Variants in ODAD2 observed in about 807,000 individuals in gnomAD.
ODAD2 encodes the protein outer dynein arm-docking complex subunit 2.
ODAD2 carries 89 observed loss-of-function variants against 106.8 expected under a neutral mutation model. The observed-to-expected ratio is 0.83, with a 90% CI of 0.70 to 0.99. ODAD2 has a LOEUF of 0.99. Ranked by LOEUF, ODAD2 falls within the 50% of genes least tolerant of loss-of-function variation. The pLI is 0.00. For synonymous variants in ODAD2, 404 were observed against 436.2 expected (o/e 0.93, Z 0.92); for missense variants, 1,168 against 1,238.5 (o/e 0.94, Z 0.85).
At chr10:27,938,442 A>G (rs1846149460) in intron 14 of ODAD2, among the ~76,000 whole-genome samples, 1 of 152,070 alleles carries the variant, frequency 6.6e-6, no homozygotes, top group South Asian at 2.1e-4. Flanking sequence ...CCTCAGAAGA[A>G]ACTAACTTTG....
chr10:27,831,668 G>A (rs1387727867), intron 19 of ODAD2, among the ~76,000 whole-genome samples: 4 of 152,212 alleles, frequency 2.6e-5, no homozygotes, highest in East Asian at 1.9e-4. Context: ...CTTGGCGTAC[G>A]TGCCCACACA....
rs7908757 is a variant in ODAD2 at position 27,933,692 on chromosome 10, A to T, written c.2495+1318T>A. Among the ~76,000 whole-genome samples, 12 of 152,188 alleles carry T rather than the reference A, an allele frequency of 7.9e-5. No individual in the cohort carries two copies. The East Asian group carries it at 2.3e-3, about 29-fold the overall frequency. On this transcript the variant is annotated intron_variant, in intron 16 of 19. Coordinates refer to ENST00000305242, the MANE Select transcript of ODAD2 (RefSeq NM_018076.5). ...AAGATCAAAAGAAATACATGCAGCC[A>T]TTTCTGGCAAGTGTTTATAAGATTC...
rs1564534045 is a variant in ODAD2 at position 27,945,000 on chromosome 10, C to CCA, written c.1387-39_1387-38insTG. 3.1e-6 allele frequency: 5 copies of CCA among 1,609,032 alleles called. No homozygotes were observed. In the South Asian group the frequency reaches 3.3e-5, roughly 11 times the overall value. On this transcript the variant is annotated intron_variant, in intron 10 of 19. Transcript: ENST00000305242. ...AATGCCAGAGAAAGGTTAAGGAACA[C>CCA]CGCATTCCCATAGAAATGCACTAAG...
intron 13 of ODAD2, 59 bp from the exon 14 acceptor site, chr10:27,940,066 C>T: frequency 2.5e-6 from 3 of 1,192,414 alleles, no homozygotes; most frequent in South Asian, 2.8e-5. Flanking sequence ...TAACTGTTTA[C>T]ATTTATTAAT....
At chr10:27,921,657 T>G (rs528687580) in intron 16 of ODAD2, among the ~76,000 whole-genome samples, 1 of 151,956 alleles carries the variant, frequency 6.6e-6, no homozygotes, top group Non-Finnish European at 1.5e-5. Flanking sequence ...TAAATTATAT[T>G]TCAGGTTGAC....
chr10:27,988,617 C>T (rs191942167), intron 2 of ODAD2, among the ~76,000 whole-genome samples: 12 of 152,128 alleles, frequency 7.9e-5, no homozygotes, highest in Admixed American at 7.2e-4. Flanking sequence ...GGATTACAGG[C>T]GTGAGCTACC....
At chr10:27,862,078 A>G in intron 18 of ODAD2, among the ~76,000 whole-genome samples, 1 of 152,220 alleles carries the variant, frequency 6.6e-6, no homozygotes, top group East Asian at 1.9e-4. Flanking sequence ...GGCACATTTG[A>G]TTTCTAACGT....
chr10:27,858,415 C>T (rs1411796557), intron 19 of ODAD2, among the ~76,000 whole-genome samples: 1 of 152,118 alleles, frequency 6.6e-6, no homozygotes, highest in African/African-American at 2.4e-5. Flanking sequence ...AAAAAGTACC[C>T]TGTTCTTTAC....
chr10:27,840,345 CAT>C (rs1305678549), intron 19 of ODAD2, among the ~76,000 whole-genome samples: 1 of 152,172 alleles, frequency 6.6e-6, no homozygotes, highest in African/African-American at 2.4e-5. Context: ...AAGAATTTCT[CAT>C]GTCAGTTGGT....
chr10:27,918,943 A>T (rs1276191893), intron 16 of ODAD2, among the ~76,000 whole-genome samples: 1 of 151,916 alleles, frequency 6.6e-6, no homozygotes, highest in East Asian at 1.9e-4. Context: ...AAAAATAATT[A>T]TCAATCACAA....
chr10:27,858,936 T>C (rs1037704205), intron 19 of ODAD2, among the ~76,000 whole-genome samples: 2 of 151,934 alleles, frequency 1.3e-5, no homozygotes, highest in Non-Finnish European at 2.9e-5. Context: ...CCCGAGTAGC[T>C]GGGACTACAG....
At chr10:27,841,247 G>C (rs1418104910) in intron 19 of ODAD2, among the ~76,000 whole-genome samples, 3 of 152,070 alleles carry the variant, frequency 2.0e-5, no homozygotes, top group Non-Finnish European at 2.9e-5. Context: ...CTTTGTGGTA[G>C]AAAAAAGGTT....
In ODAD2 at chr10:27,812,526, C is replaced by A. The variant is rs3737184; in HGVS notation, c.3121G>T (p.Ala1041Ser). 32,349 of 1,612,734 alleles carry A rather than the reference C, an allele frequency of 0.02. 2,642 individuals are homozygous for A. The East Asian group carries it at 0.25, about 12-fold the overall frequency. Residue 1041 changes from alanine to serine, a missense_variant, in exon 20 of 20, where the codon GCA (alanine) becomes TCA (serine). Physicochemically the swap from Ala to Ser is moderately conservative, Grantham distance 99. Around this residue, in one of 3 missense-constraint regions of ODAD2, gnomAD observed 701 missense variants for 712.3 expected, o/e 0.98. Transcript: ENST00000305242. ...IRRLALATEKARYT is the reference protein window; with the variant it reads ...IRRLALATEKSRYT ...CCATTTAAATTTCAAGTGTATCTTGCCTTCTCTGTAGCAAGAGCCAGCCTG... is the reference window on the plus strand; with the variant it reads ...CCATTTAAATTTCAAGTGTATCTTGACTTCTCTGTAGCAAGAGCCAGCCTG...
intron 19 of ODAD2, among the ~76,000 whole-genome samples, chr10:27,845,903 G>A (rs1210070805): frequency 1.3e-5 from 2 of 152,244 alleles, no homozygotes; most frequent in Admixed American, 6.5e-5. Context: ...CCCAATACAG[G>A]AGCACCCAGA....
chr10:27,896,683 A>G (rs4749277), intron 17 of ODAD2, among the ~76,000 whole-genome samples: 100,260 of 151,426 alleles, frequency 0.66, 33,484 homozygotes, highest in Middle Eastern at 0.74. Context: ...GGATTAAGGA[A>G]CAGTGAGAGC....
chr10:27,851,851 A>G (rs567391128), intron 19 of ODAD2, among the ~76,000 whole-genome samples: 1 of 152,192 alleles, frequency 6.6e-6, no homozygotes, highest in Admixed American at 6.6e-5. Flanking sequence ...CACAAGAAAC[A>G]TGAAGGAAAC....
chr10:27,866,548 T>C (rs1408940584), intron 17 of ODAD2, among the ~76,000 whole-genome samples: 1 of 152,202 alleles, frequency 6.6e-6, no homozygotes, highest in Non-Finnish European at 1.5e-5. Flanking sequence ...CTGGGTAATT[T>C]ATAAAGAAGA....
Position 27,949,599 on chromosome 10 carries a change from G to A in ODAD2, c.1387-4637C>T, listed in dbSNP as rs76869636. On this transcript the variant is annotated intron_variant, in intron 10 of 19. Coordinates refer to ENST00000305242, the MANE Select transcript of ODAD2 (RefSeq NM_018076.5). ...GCACCTAAATAAGGCCAGAGCCCAG[G>A]GTGGGAGCGTGGTGCAAGATGAGCT... is the stretch of plus-strand genomic sequence containing the variant. Among the ~76,000 whole-genome samples, 130 of 152,328 alleles carry A rather than the reference G, an allele frequency of 8.5e-4. 1 individual carries two copies. The East Asian group carries it at 0.021, about 25-fold the overall frequency.
chr10:27,898,649 T>G (rs1188550190), intron 17 of ODAD2, among the ~76,000 whole-genome samples: 1 of 152,194 alleles, frequency 6.6e-6, no homozygotes, highest in Non-Finnish European at 1.5e-5. Flanking sequence ...TTATTTAAAT[T>G]TGGCACTTTA....
Sources: allele counts gnomAD v4.1 joint callset (sites outside exome capture counted in the v4.1 genomes callset), GRCh38; gene constraint gnomAD v4.1.1; regional missense constraint gnomAD v4.1.1; transcripts MANE v1.5; gene names NCBI Gene and HGNC (gene_info 2026-07-23, HGNC 2026-07-21).